Variants in SYT1 observed in about 807,000 individuals in gnomAD.
The protein encoded by SYT1 is synaptotagmin 1.
In SYT1, 8 loss-of-function variants were observed where a neutral mutation model predicts 44.8. That is an observed-to-expected ratio of 0.18 (90% CI 0.10 to 0.32). The LOEUF (loss-of-function observed/expected upper bound fraction) is 0.32, where lower values mean the gene tolerates loss of function less well. SYT1 is among the 10% of genes least tolerant of loss of function. The probability of loss-of-function intolerance (pLI) is 1.00; values close to 1 mark genes in which losing one functional copy is unlikely to be tolerated. For missense variants in SYT1, 286 were observed against 509.3 expected, an observed-to-expected ratio of 0.56 and a Z score of 4.22; for synonymous variants, 154 against 188.8, an observed-to-expected ratio of 0.82 and a Z score of 1.51.
At chr12:79,211,675 G>T (rs1830591080) in intron 3 of SYT1, among the ~76,000 whole-genome samples, 1 of 145,090 alleles carries the variant, frequency 6.9e-6, no homozygotes, top group Admixed American at 7.4e-5. Context: ...CCACCTAGGA[G>T]TGAGAATATG....
chr12:78,865,357 T>C (rs1474983446), intron 1 of SYT1, among the ~76,000 whole-genome samples: 1 of 152,118 alleles, frequency 6.6e-6, no homozygotes, highest in Non-Finnish European at 1.5e-5. Context: ...TCTTGCTTCC[T>C]CTTTCCTTCT....
At chr12:79,410,300 C>T (rs2136132178) in intron 9 of SYT1, among the ~76,000 whole-genome samples, 1 of 152,184 alleles carries the variant, frequency 6.6e-6, no homozygotes, top group African/African-American at 2.4e-5. Flanking sequence ...GCCTATCCAT[C>T]TATTGATTGT....
intron 5 of SYT1, 144 bp from the exon 6 acceptor site, chr12:79,291,864 A>G (rs780007169): frequency 9.7e-7 from 1 of 1,028,604 alleles, no homozygotes; most frequent in Admixed American, 1.8e-5. Context: ...TGTAAGCAGC[A>G]AATGTGAATG....
chr12:79,299,479 C>T lies in SYT1; in HGVS notation c.738C>T (p.Val246=), dbSNP rs1156967832. The change falls in exon 8 of 11, where the codon GTC becomes GTT. Residue 246 remains valine, a synonymous_variant. Transcript: ENST00000261205. The part of the protein sequence containing the change: ...SKHDIIGEFK[V]PMNTVDFGHV... ...ATGACATCATTGGAGAATTTAAAGT[C>T]CCTATGAACACAGTGGATTTTGGCC... 1.9e-6 allele frequency: 3 copies of T among 1,613,544 alleles called. No homozygotes were observed. Among genetic ancestry groups the T allele is most frequent in the African/African-American group, 1.3e-5 (1 of 74,972 alleles).
chr12:79,179,027 G>T (rs754443063), intron 3 of SYT1, among the ~76,000 whole-genome samples: 188 of 2,598 alleles, frequency 0.072, 3 homozygotes, highest in East Asian at 0.083. Flanking sequence ...TATAGATATA[G>T]ATATATAGAT....
At chr12:79,180,719 C>T (rs1872484166) in intron 3 of SYT1, among the ~76,000 whole-genome samples, 1 of 151,968 alleles carries the variant, frequency 6.6e-6, no homozygotes, top group South Asian at 2.1e-4. Context: ...ATCATGAGGA[C>T]AGTATCAAGA....
rs372090309 is a variant in SYT1 at position 79,227,395 on chromosome 12, C to T, written c.166+9710C>T. On this transcript the variant is annotated intron_variant, in intron 4 of 10. Transcript: ENST00000261205. ...CTAGGGCCATGGTTGGTCTGTAAAGCATGAACTCATGTCATCTGAATAGCT... is the reference window on the plus strand; with the variant it reads ...CTAGGGCCATGGTTGGTCTGTAAAGTATGAACTCATGTCATCTGAATAGCT... 1.6e-3 allele frequency among the ~76,000 whole-genome samples: 250 copies of T among 152,214 alleles called. 6 individuals are homozygous for T. The South Asian group carries it at 0.033, about 20-fold the overall frequency.
chr12:79,045,013 G>A (rs1360594697), intron 2 of SYT1, among the ~76,000 whole-genome samples: 2 of 152,154 alleles, frequency 1.3e-5, no homozygotes, highest in Non-Finnish European at 2.9e-5. Context: ...GAGAACCACT[G>A]CTCTCTTCAA....
chr12:79,159,851 C>T (rs1338492225), intron 3 of SYT1, among the ~76,000 whole-genome samples: 1 of 152,074 alleles, frequency 6.6e-6, no homozygotes, highest in African/African-American at 2.4e-5. Context: ...ATTCCAATTT[C>T]TCGGAGTTAA....
At chr12:78,972,408 A>G (rs1868441172) in intron 1 of SYT1, among the ~76,000 whole-genome samples, 1 of 152,062 alleles carries the variant, frequency 6.6e-6, no homozygotes, top group African/African-American at 2.4e-5. Context: ...GATAAAGTTA[A>G]TTTTCCATAT....
chr12:79,271,828 G>A (rs1349966311), intron 4 of SYT1, among the ~76,000 whole-genome samples: 1 of 152,154 alleles, frequency 6.6e-6, no homozygotes, highest in Non-Finnish European at 1.5e-5. Flanking sequence ...AATCTACAGA[G>A]AGCCAAGATT....
At chr12:78,986,651 AG>A (rs1207135513) in intron 2 of SYT1, among the ~76,000 whole-genome samples, 1 of 152,032 alleles carries the variant, frequency 6.6e-6, no homozygotes, top group Non-Finnish European at 1.5e-5. Flanking sequence ...ACATTAAGAA[AG>A]GCTTTTCATT....
chr12:79,284,097 CTT>C (rs11315632), intron 4 of SYT1, among the ~76,000 whole-genome samples: 4 of 149,296 alleles, frequency 2.7e-5, no homozygotes, highest in Non-Finnish European at 4.5e-5. Flanking sequence ...TGCCCAGTAT[CTT>C]TTTTTTTTAT....
chr12:78,900,555 G>A (rs921989336), intron 1 of SYT1, among the ~76,000 whole-genome samples: 1 of 152,004 alleles, frequency 6.6e-6, no homozygotes, highest in African/African-American at 2.4e-5. Flanking sequence ...AGAGCCAAAT[G>A]TTCCAAGGGA....
chr12:79,246,634 T>G (rs920499022), intron 4 of SYT1, among the ~76,000 whole-genome samples: 14 of 152,218 alleles, frequency 9.2e-5, no homozygotes, highest in Admixed American at 7.2e-4. Flanking sequence ...GGGCAAATAC[T>G]GTGTGAAGCC....
At chr12:79,348,776 G>A (rs1039712175) in intron 8 of SYT1, among the ~76,000 whole-genome samples, 1 of 151,858 alleles carries the variant, frequency 6.6e-6, no homozygotes, top group African/African-American at 2.4e-5. Context: ...TAGTAGCAGA[G>A]GTCATAGTGT....
Position 79,064,975 on chromosome 12 carries a change from A to AGAAG in SYT1, c.-18+17616_-18+17617insGGAA, listed in dbSNP as rs1555194764. Among the ~76,000 whole-genome samples, 1,429 of 149,306 alleles carry AGAAG rather than the reference A, an allele frequency of 9.6e-3. 41 individuals are homozygous for AGAAG. Among genetic ancestry groups the AGAAG allele is most frequent in the African/African-American group, 0.034 (1,362 of 39,484 alleles). ...AAGAAAGAAAGAAAGAAAGAAAGAA[A>AGAAG]GAAAGAAAGAAAGAAAGAAAGAAAA... On this transcript the variant is annotated intron_variant, in intron 3 of 10. Transcript: ENST00000261205.
At chr12:78,921,822 A>G (rs1297259766) in intron 1 of SYT1, among the ~76,000 whole-genome samples, 1 of 151,934 alleles carries the variant, frequency 6.6e-6, no homozygotes, top group Non-Finnish European at 1.5e-5. Flanking sequence ...AAAATGCTGC[A>G]GAGACACGGG....
At chr12:79,048,676 T>C (rs994059041) in intron 3 of SYT1, among the ~76,000 whole-genome samples, 1 of 151,960 alleles carries the variant, frequency 6.6e-6, no homozygotes, top group Non-Finnish European at 1.5e-5. Context: ...ACTCTAAATG[T>C]ATGAAAGTCT....
Sources: gnomAD v4.1 joint callset for allele counts (sites outside exome capture counted in the v4.1 genomes callset) on GRCh38, gnomAD v4.1.1 for gene constraint, MANE v1.5 for transcripts, NCBI Gene and HGNC (gene_info 2026-07-23, HGNC 2026-07-21) for gene names.